SLC14A2: variants seen among roughly 807,000 people sequenced by gnomAD.
SLC14A2 encodes the protein solute carrier family 14 member 2.
SLC14A2 carries 91 observed loss-of-function variants against 104.6 expected under a neutral mutation model. The ratio of observed to expected loss-of-function variants is 0.87; its 90% confidence interval spans 0.73 to 1.04. The LOEUF is 1.04. Among genes scored for constraint, SLC14A2 ranks in the 50% least tolerant of loss-of-function variants. The pLI is 0.00. For synonymous variants in SLC14A2, 476 were observed against 466.4 expected (o/e 1.02, Z -0.27); for missense variants, 1,189 against 1,156.0 (o/e 1.03, Z -0.41).
intron 2 of SLC14A2, among the ~76,000 whole-genome samples, chr18:45,584,480 G>A (rs937384399): frequency 4.6e-5 from 7 of 152,156 alleles, no homozygotes; most frequent in African/African-American, 1.7e-4. Flanking sequence ...GCACCATGTG[G>A]CAATTCAGCA....
intron 2 of SLC14A2, among the ~76,000 whole-genome samples, chr18:45,554,108 G>A (rs2044093820): frequency 6.6e-6 from 1 of 152,240 alleles, no homozygotes; most frequent in South Asian, 2.1e-4. Context: ...GGTGCATGAA[G>A]GCCGAAGCTT....
intron 1 of SLC14A2, among the ~76,000 whole-genome samples, chr18:45,413,563 C>T (rs2086237541): frequency 6.6e-6 from 1 of 152,212 alleles, no homozygotes; most frequent in Admixed American, 6.5e-5. Context: ...ACTCTTTCCT[C>T]TCCCTGCTTA....
intron 2 of SLC14A2, among the ~76,000 whole-genome samples, chr18:45,498,572 C>T (rs905060089): frequency 5.9e-5 from 9 of 152,134 alleles, no homozygotes; most frequent in African/African-American, 1.7e-4. Flanking sequence ...GTATCTTCAC[C>T]TCTCCCTCCC....
intron 19 of SLC14A2, among the ~76,000 whole-genome samples, chr18:45,680,985 C>T (rs1235250586): frequency 1.3e-5 from 2 of 151,988 alleles, no homozygotes; most frequent in Admixed American, 1.3e-4. Context: ...ACGCACCCAA[C>T]GGTGCCATCT....
the SLC14A2 span, among the ~76,000 whole-genome samples, chr18:45,181,629 C>A: frequency 6.6e-6 from 1 of 151,930 alleles, no homozygotes; most frequent in Non-Finnish European, 1.5e-5. Flanking sequence ...AAAAAAATGA[C>A]AATATTAATT....
intron 5 of SLC14A2, among the ~76,000 whole-genome samples, chr18:45,634,589 G>A (rs1204487447): frequency 6.6e-6 from 1 of 152,214 alleles, no homozygotes; most frequent in African/African-American, 2.4e-5. Context: ...AACTGGGGAA[G>A]TGTGATGTAT....
chr18:45,577,171 A>AC (rs2044428735), intron 2 of SLC14A2, among the ~76,000 whole-genome samples: 1 of 150,768 alleles, frequency 6.6e-6, no homozygotes, highest in African/African-American at 2.4e-5. Flanking sequence ...GAATTAGCTA[A>AC]CCTCCAGGGT....
chr18:45,504,312 T>G (rs530420667), intron 2 of SLC14A2, among the ~76,000 whole-genome samples: 1 of 152,306 alleles, frequency 6.6e-6, no homozygotes, highest in South Asian at 2.1e-4. Context: ...CAGTGTCCCC[T>G]TAAGGTACCA....
chr18:45,453,490 G>A (rs555337158), intron 1 of SLC14A2, among the ~76,000 whole-genome samples: 1 of 152,320 alleles, frequency 6.6e-6, no homozygotes, highest in African/African-American at 2.4e-5. Context: ...GACAGGATCA[G>A]TAGCAGTGCT....
chr18:45,663,760 C>A (rs778096449), intron 10 of SLC14A2, 25 bp from the exon 11 acceptor site: 39 of 1,608,778 alleles, frequency 2.4e-5, no homozygotes, highest in Non-Finnish European at 3.1e-5. Flanking sequence ...GGGACACTGA[C>A]CTGTCTTGTT....
chr18:45,319,045 C>T (rs1295527208), intron 1 of SLC14A2, among the ~76,000 whole-genome samples: 1 of 152,186 alleles, frequency 6.6e-6, no homozygotes, highest in Admixed American at 6.5e-5. Flanking sequence ...TTTCCTTGCT[C>T]CTGCCAGGTG....
At chr18:45,682,298 A>G in intron 19 of SLC14A2, 21 bp from the exon 20 acceptor site, 3 of 1,612,014 alleles carry the variant, frequency 1.9e-6, no homozygotes, top group Non-Finnish European at 2.5e-6. Context: ...ACCAAGGCTT[A>G]TCTGTGTTCT....
intron 2 of SLC14A2, among the ~76,000 whole-genome samples, chr18:45,533,038 G>T (rs1470336311): frequency 1.3e-5 from 2 of 152,130 alleles, no homozygotes; most frequent in Admixed American, 6.5e-5. Flanking sequence ...TTGCATCCCA[G>T]GGATGAAGCC....
chr18:45,516,237 C>A (rs530040644), intron 2 of SLC14A2, among the ~76,000 whole-genome samples: 1 of 152,242 alleles, frequency 6.6e-6, no homozygotes, highest in Admixed American at 6.5e-5. Context: ...TTCCTTCCTC[C>A]CTTCCATTCT....
At chr18:45,519,434 G>A (rs1463670606) in intron 2 of SLC14A2, among the ~76,000 whole-genome samples, 6 of 152,160 alleles carry the variant, frequency 3.9e-5, no homozygotes, top group Non-Finnish European at 1.5e-5. Context: ...CCCATTCACA[G>A]AGTCTCCAGT....
At chr18:45,667,168 C>T in intron 13 of SLC14A2, 74 bp downstream of exon 13, 1 of 1,223,148 alleles carries the variant, frequency 8.2e-7, no homozygotes, top group South Asian at 1.4e-5. Context: ...AAACCCATTG[C>T]CATGGGGGTT....
intron 2 of SLC14A2, among the ~76,000 whole-genome samples, chr18:45,516,889 G>A (rs1424830673): frequency 6.6e-6 from 1 of 152,216 alleles, no homozygotes; most frequent in Non-Finnish European, 1.5e-5. Flanking sequence ...AGATCAGAAT[G>A]GGCTGCTGTG....
At chr18:45,182,627 AAGAAAC>A in the SLC14A2 span, among the ~76,000 whole-genome samples, 2 of 152,040 alleles carry the variant, frequency 1.3e-5, no homozygotes, top group Admixed American at 6.6e-5. Context: ...ATGTTTCACA[AAGAAAC>A]AGAAACTATT....
chr18:45,446,877 G>A (rs2086779227), intron 1 of SLC14A2, among the ~76,000 whole-genome samples: 1 of 152,116 alleles, frequency 6.6e-6, no homozygotes, highest in Non-Finnish European at 1.5e-5. Context: ...GCTTCCTTGT[G>A]ACTGTCAGCA....
Sources: allele counts gnomAD v4.1 joint callset (sites outside exome capture counted in the v4.1 genomes callset), GRCh38; gene constraint gnomAD v4.1.1; transcripts MANE v1.5; gene names NCBI Gene and HGNC (gene_info 2026-07-23, HGNC 2026-07-21).